The following OLFML1 variants were observed in gnomAD, a reference collection of about 807,000 sequenced individuals.
OLFML1 encodes the protein olfactomedin-like protein 1.
A neutral mutation model predicts 37.3 loss-of-function variants in OLFML1; 33 were observed. That is an observed-to-expected ratio of 0.88 (90% CI 0.67 to 1.18). OLFML1 has a LOEUF of 1.18. OLFML1 is among the 50% of genes most tolerant of loss of function. OLFML1 has a pLI of 0.00. For missense variants in OLFML1, 545 were observed against 483.7 expected, an observed-to-expected ratio of 1.13 and a Z score of -1.19; for synonymous variants, 186 against 181.3, an observed-to-expected ratio of 1.03 and a Z score of -0.21.
intron 1 of OLFML1, among the ~76,000 whole-genome samples, chr11:7,487,639 G>T (rs558474789): frequency 5.9e-5 from 9 of 151,282 alleles, no homozygotes; most frequent in African/African-American, 1.9e-4. Context: ...AAATACAAAG[G>T]TTTTTTTTTC....
rs548771866 is a variant in OLFML1, at chr11:7,488,528, G to A, written c.418+113G>A. ...AGTAATGAGAGTAAGAATTGGAGGTGTGCTTTTGTGTGCATTGCTGAGAGA... is the reference window on the plus strand; with the variant it reads ...AGTAATGAGAGTAAGAATTGGAGGTATGCTTTTGTGTGCATTGCTGAGAGA... On this transcript the variant is annotated intron_variant, in intron 2 of 2. Transcript: ENST00000329293. The A allele has an allele frequency of 7.4e-4, 578 of 784,784 alleles. 1 individual carries two copies. Among genetic ancestry groups the A allele is most frequent in the Non-Finnish European group, 9.7e-4 (483 of 500,350 alleles). The allele number at this position is 784,784 out of a possible 1,614,324, so 48.6% of individuals were successfully genotyped here.
intron 2 of OLFML1, among the ~76,000 whole-genome samples, chr11:7,500,395 C>G (rs1261340827): frequency 6.6e-6 from 1 of 152,184 alleles, no homozygotes; most frequent in Non-Finnish European, 1.5e-5. Context: ...ATCCACCCTT[C>G]TGCACACCCA....
chr11:7,490,132 T>TGGGGGGGG (rs373866404), intron 2 of OLFML1, among the ~76,000 whole-genome samples: 2 of 37,890 alleles, frequency 5.3e-5, no homozygotes, highest in African/African-American at 1.7e-4. Context: ...TAGGCTTTGG[T>TGGGGGGGG]GGGGGGGGGG....
chr11:7,493,878 A>G, intron 2 of OLFML1, among the ~76,000 whole-genome samples: 1 of 150,228 alleles, frequency 6.7e-6, no homozygotes, highest in Non-Finnish European at 1.5e-5. Context: ...CAGGCATTAG[A>G]GATAGAATGT....
intron 2 of OLFML1, among the ~76,000 whole-genome samples, chr11:7,499,865 TTTA>T (rs1293667958): frequency 6.6e-6 from 1 of 152,152 alleles, no homozygotes; most frequent in Non-Finnish European, 1.5e-5. Context: ...TATTGACTGA[TTTA>T]TTGTTTTGTT....
At position 7,509,503 on chromosome 11, in the gene OLFML1, T is replaced by C. The variant is rs1848827294; in HGVS notation, c.524T>C (p.Val175Ala). Residue 175 changes from valine to alanine, a missense_variant, in exon 3 of 3, where the codon GTG becomes GCG. Val to Ala is a moderately conservative substitution (Grantham distance 64). Transcript: ENST00000329293. ...GATGCTGTCTATAACTCTCCAAAGG[T>C]GTACTTATTAATTGGATCCAGAAAC... ...MKDAVYNSPKVYLLIGSRNNT... is the reference protein window; with the variant it reads ...MKDAVYNSPKAYLLIGSRNNT... 6.2e-7 allele frequency: 1 copy of C among 1,613,852 alleles called. No homozygotes were observed. The highest frequency in any genetic ancestry group is 8.5e-7 in the Non-Finnish European group (1 of 1,179,962).
At chr11:7,498,768 C>G (rs945444179) in intron 2 of OLFML1, among the ~76,000 whole-genome samples, 2 of 152,244 alleles carry the variant, frequency 1.3e-5, no homozygotes, top group African/African-American at 4.8e-5. Context: ...CCAAGCCAAC[C>G]TGCTTTTCCT....
intron 2 of OLFML1, among the ~76,000 whole-genome samples, chr11:7,503,615 A>G (rs1465070548): frequency 3.3e-5 from 5 of 152,218 alleles, no homozygotes; most frequent in African/African-American, 4.8e-5. Flanking sequence ...TGCCTCTTTC[A>G]AGGAGTTTTA....
chr11:7,509,716 T>C lies in OLFML1; in HGVS notation c.737T>C (p.Val246Ala), dbSNP rs751150750. 2 of 1,614,056 alleles carry C rather than the reference T, an allele frequency of 1.2e-6. No homozygotes were observed. Among genetic ancestry groups the C allele is most frequent in the South Asian group, 1.1e-5 (1 of 91,088 alleles). Reference sequence around the variant, plus strand: ...AAATATAACCTGCAGAAGAGGACTGTGGAAGATCGAATGCTGCTCCCAGGA... The same window carrying C: ...AAATATAACCTGCAGAAGAGGACTGCGGAAGATCGAATGCTGCTCCCAGGA... Reference protein sequence around the residue: ...IIKYNLQKRTVEDRMLLPGGV... With the variant: ...IIKYNLQKRTAEDRMLLPGGV... Residue 246 changes from valine to alanine, a missense_variant, in exon 3 of 3, where the codon GTG becomes GCG. By Grantham distance (64) the Val-to-Ala change is moderately conservative (BLOSUM62 0). Transcript: ENST00000329293.
intron 2 of OLFML1, among the ~76,000 whole-genome samples, chr11:7,507,366 T>G (rs1848797770): frequency 6.6e-6 from 1 of 152,148 alleles, no homozygotes; most frequent in African/African-American, 2.4e-5. Context: ...TGTAGAACAG[T>G]CTTGACAGCC....
In OLFML1 at chr11:7,510,268, A is replaced by T; in HGVS notation, c.*80A>T. The stretch of plus-strand genomic sequence containing the variant: ...AGTGAGGCTATAGCCCCTTCACAAT[A>T]TAGTATCCCTCTAATCACACACAGG... On this transcript the variant is annotated 3_prime_UTR_variant, in exon 3 of 3. Transcript: ENST00000329293. The T allele has an allele frequency of 9.1e-7, 1 of 1,104,670 alleles. No individual in the cohort carries two copies. Among genetic ancestry groups the T allele is most frequent in the Non-Finnish European group, 1.3e-6 (1 of 783,258 alleles). 68.4% of individuals were successfully genotyped at this position (1,104,670 alleles called of 1,614,324 possible).
chr11:7,507,070 T>C (rs1385572087), intron 2 of OLFML1, among the ~76,000 whole-genome samples: 2 of 152,194 alleles, frequency 1.3e-5, no homozygotes, highest in Non-Finnish European at 2.9e-5. Flanking sequence ...GGTAGTGTCC[T>C]GGAGAATTGC....
At chr11:7,501,703 G>A (rs1848727115) in intron 2 of OLFML1, among the ~76,000 whole-genome samples, 1 of 152,132 alleles carries the variant, frequency 6.6e-6, no homozygotes, top group Non-Finnish European at 1.5e-5. Flanking sequence ...GGAATAATGG[G>A]TTTGAAAGTA....
intron 2 of OLFML1, among the ~76,000 whole-genome samples, chr11:7,496,716 C>T (rs1209577700): frequency 2.6e-5 from 4 of 151,750 alleles, no homozygotes; most frequent in African/African-American, 7.3e-5. Context: ...AAAAAAAACA[C>T]TATGCAAAAA....
chr11:7,493,169 A>G (rs1470717496), intron 2 of OLFML1, among the ~76,000 whole-genome samples: 2 of 152,210 alleles, frequency 1.3e-5, no homozygotes, highest in African/African-American at 4.8e-5. Context: ...GTGCACAAAA[A>G]GTTACCTCAA....
At chr11:7,500,889 T>A (rs1848715166) in intron 2 of OLFML1, among the ~76,000 whole-genome samples, 2 of 151,904 alleles carry the variant, frequency 1.3e-5, no homozygotes, top group Non-Finnish European at 2.9e-5. Flanking sequence ...AAATAAAAAA[T>A]TTTAAAAAAA....
chr11:7,486,952 G>T (rs541853873), intron 1 of OLFML1, among the ~76,000 whole-genome samples: 2 of 152,144 alleles, frequency 1.3e-5, no homozygotes, highest in South Asian at 2.1e-4. Flanking sequence ...GTTCCCAGAC[G>T]AGCGGCCTCT....
chr11:7,485,797 G>A lies in OLFML1; in HGVS notation c.-79G>A, dbSNP rs1848513104. 2 of 1,443,632 alleles carry A rather than the reference G, an allele frequency of 1.4e-6. No individual in the cohort carries two copies. Among genetic ancestry groups the A allele is most frequent in the East Asian group, 4.5e-5 (2 of 44,008 alleles). The allele number at this position is 1,443,632 out of a possible 1,614,324, so 89.4% of individuals were successfully genotyped here. A position where few individuals can be genotyped will look rare whatever the true frequency, so the allele number is the denominator to read the frequency against. On this transcript the variant is annotated 5_prime_UTR_variant, in exon 1 of 3. Transcript: ENST00000329293. Reference sequence around the variant, plus strand: ...TTTGCCACAGCAGCGGATAGAGCAGGAGAGCACCACCGGAGCCCTTGAGAC... The same window carrying A: ...TTTGCCACAGCAGCGGATAGAGCAGAAGAGCACCACCGGAGCCCTTGAGAC...
At chr11:7,508,093 T>C (rs1233204358) in intron 2 of OLFML1, among the ~76,000 whole-genome samples, 3 of 152,082 alleles carry the variant, frequency 2.0e-5, no homozygotes, top group Admixed American at 6.5e-5. Context: ...AAGAAAATCA[T>C]AAGGAAAAGA....
Sources: allele counts gnomAD v4.1 joint callset (sites outside exome capture counted in the v4.1 genomes callset), GRCh38; gene constraint gnomAD v4.1.1; transcripts MANE v1.5; gene names NCBI Gene and HGNC (gene_info 2026-07-23, HGNC 2026-07-21).